Variants in NRXN1 observed in about 807,000 individuals in gnomAD.
NRXN1 encodes the protein neurexin-1.
In NRXN1, 39 loss-of-function variants were observed where a neutral mutation model predicts 150.9. That is an observed-to-expected ratio of 0.26 (90% CI 0.20 to 0.34). The LOEUF is 0.34. Among genes scored for constraint, NRXN1 ranks in the 10% least tolerant of loss-of-function variants. The pLI is 1.00. For synonymous variants in NRXN1, 924 were observed against 757.0 expected, an observed-to-expected ratio of 1.22 and a Z score of -3.62; for missense variants, 1,815 against 1,949.9, an observed-to-expected ratio of 0.93 and a Z score of 1.30.
intron 5 of NRXN1, among the ~76,000 whole-genome samples, chr2:50,855,268 AAACTTT>A (rs905268031): frequency 7.9e-5 from 12 of 152,176 alleles, no homozygotes; most frequent in South Asian, 2.1e-4. Context: ...AGTATAAAAA[AAACTTT>A]AACTTTATAC....
At chr2:50,577,184 G>C (rs952396113) in intron 8 of NRXN1, among the ~76,000 whole-genome samples, 7 of 152,070 alleles carry the variant, frequency 4.6e-5, no homozygotes, top group African/African-American at 1.7e-4. Context: ...TGTAAGCTGA[G>C]AGACAACTCT....
chr2:50,220,012 A>ATT (rs1159444657), intron 18 of NRXN1, among the ~76,000 whole-genome samples: 1 of 111,376 alleles, frequency 9.0e-6, no homozygotes, highest in Non-Finnish European at 1.7e-5. Context: ...TATATAATAT[A>ATT]TTATATATAT....
At chr2:50,327,967 G>T (rs1385428554) in intron 17 of NRXN1, among the ~76,000 whole-genome samples, 14 of 151,870 alleles carry the variant, frequency 9.2e-5, no homozygotes, top group Non-Finnish European at 4.4e-5. Flanking sequence ...TTCTTACATG[G>T]CCACTTATTT....
At chr2:50,920,151 G>A (rs906860307) in intron 5 of NRXN1, 14 of 175,572 alleles carry the variant, frequency 8.0e-5, no homozygotes, top group African/African-American at 3.1e-4. Flanking sequence ...AAGCTTACTC[G>A]TCCCAATAAT....
chr2:50,901,167 G>A (rs1482829407), intron 5 of NRXN1, among the ~76,000 whole-genome samples: 1 of 151,918 alleles, frequency 6.6e-6, no homozygotes, highest in Non-Finnish European at 1.5e-5. Context: ...TCATTTCCCT[G>A]TTCCCCTGAG....
chr2:50,808,029 A>G (rs554300643), intron 5 of NRXN1, among the ~76,000 whole-genome samples: 1 of 152,148 alleles, frequency 6.6e-6, no homozygotes, highest in African/African-American at 2.4e-5. Context: ...GGGTGTGTTT[A>G]TACTACCTAG....
chr2:50,965,802 C>T (rs1429571306), intron 2 of NRXN1, among the ~76,000 whole-genome samples: 1 of 151,464 alleles, frequency 6.6e-6, no homozygotes, highest in African/African-American at 2.4e-5. Flanking sequence ...AAAGGAAACG[C>T]TTAAAATTTT....
chr2:50,808,881 A>G (rs2105748488), intron 5 of NRXN1, among the ~76,000 whole-genome samples: 1 of 152,278 alleles, frequency 6.6e-6, no homozygotes, highest in South Asian at 2.1e-4. Flanking sequence ...CAATTAGGCA[A>G]GAAATTACAA....
At chr2:50,228,604 G>A (rs987926612) in intron 18 of NRXN1, among the ~76,000 whole-genome samples, 16 of 151,976 alleles carry the variant, frequency 1.1e-4, no homozygotes, top group African/African-American at 1.7e-4. Context: ...TGAGCAGCCG[G>A]CACTTATTTG....
intron 12 of NRXN1, chr2:50,526,878 T>A (rs1217410372): frequency 6.6e-6 from 1 of 152,200 alleles, no homozygotes; most frequent in African/African-American, 2.4e-5. Context: ...AAAGGTATTA[T>A]TCTGTGGAAT....
At chr2:50,094,788 G>A (rs554470155) in intron 18 of NRXN1, among the ~76,000 whole-genome samples, 1 of 151,390 alleles carries the variant, frequency 6.6e-6, no homozygotes, top group Non-Finnish European at 1.5e-5. Flanking sequence ...AAAGAACTTG[G>A]AATTGCAGTG....
At chr2:50,219,354 T>G (rs575398003) in intron 18 of NRXN1, among the ~76,000 whole-genome samples, 3 of 120,894 alleles carry the variant, frequency 2.5e-5, no homozygotes, top group East Asian at 4.3e-4. Flanking sequence ...GTGTTCTGTT[T>G]TGGGGAAAAA....
chr2:50,027,967 C>A (rs1688609224), intron 21 of NRXN1, among the ~76,000 whole-genome samples: 1 of 151,904 alleles, frequency 6.6e-6, no homozygotes, highest in African/African-American at 2.4e-5. Flanking sequence ...TCTTCAAGAT[C>A]TTTGTGTTTA....
intron 5 of NRXN1, among the ~76,000 whole-genome samples, chr2:50,665,765 T>A (rs1182684241): frequency 6.6e-6 from 1 of 151,962 alleles, no homozygotes; most frequent in Non-Finnish European, 1.5e-5. Context: ...CATGTTTGGA[T>A]GGATCATATA....
At chr2:50,255,707 A>T (rs1218439800) in intron 17 of NRXN1, among the ~76,000 whole-genome samples, 1 of 152,148 alleles carries the variant, frequency 6.6e-6, no homozygotes, top group Non-Finnish European at 1.5e-5. Flanking sequence ...CATTTTAAAA[A>T]TTTTAATTCA....
chr2:50,491,730 G>T (rs1238502441), intron 15 of NRXN1, among the ~76,000 whole-genome samples: 1 of 152,098 alleles, frequency 6.6e-6, no homozygotes, highest in African/African-American at 2.4e-5. Context: ...TTGCTAGGTG[G>T]CCACCTGAGG....
intron 8 of NRXN1, among the ~76,000 whole-genome samples, chr2:50,561,611 G>A (rs760157570): frequency 6.6e-6 from 1 of 152,180 alleles, no homozygotes; most frequent in Non-Finnish European, 1.5e-5. Context: ...CCAGGGTTAT[G>A]AAATGCTCTT....
chr2:50,831,125 A>G (rs952327325), intron 5 of NRXN1, among the ~76,000 whole-genome samples: 4 of 152,326 alleles, frequency 2.6e-5, no homozygotes, highest in Non-Finnish European at 5.9e-5. Context: ...TTATTTATAA[A>G]TGTACAATTA....
At chr2:50,034,548 G>A (rs1376306112) in intron 21 of NRXN1, among the ~76,000 whole-genome samples, 3 of 151,898 alleles carry the variant, frequency 2.0e-5, no homozygotes, top group African/African-American at 4.8e-5. Flanking sequence ...TGGGTATTAG[G>A]CTTAATACCT....
Sources: gnomAD v4.1 joint callset for allele counts (sites outside exome capture counted in the v4.1 genomes callset) on GRCh38, gnomAD v4.1.1 for gene constraint, MANE v1.5 for transcripts, NCBI Gene and HGNC (gene_info 2026-07-23, HGNC 2026-07-21) for gene names.